Variants in TBC1D1 observed in about 807,000 individuals in gnomAD.
TBC1D1 encodes TBC1 (tre-2/USP6, BUB2, cdc16) domain family, member 1.
TBC1D1 carries 89 observed loss-of-function variants against 125.6 expected under a neutral mutation model. That is an observed-to-expected ratio of 0.71 (90% confidence interval 0.60 to 0.85). TBC1D1 has a LOEUF of 0.85. Ranked by LOEUF, TBC1D1 falls within the 40% of genes least tolerant of loss-of-function variation. The probability of loss-of-function intolerance (pLI) is 0.00; values close to 1 mark genes in which losing one functional copy is unlikely to be tolerated. For synonymous variants in TBC1D1, 565 were observed against 564.1 expected, an observed-to-expected ratio of 1.00 and a Z score of -0.02; for missense variants, 1,377 against 1,469.2, an observed-to-expected ratio of 0.94 and a Z score of 1.03.
chr4:38,011,859 TGACCCTGGGAATCCAGGG>T (rs1248510208), intron 2 of TBC1D1, among the ~76,000 whole-genome samples: 1 of 152,258 alleles, frequency 6.6e-6, no homozygotes, highest in Non-Finnish European at 1.5e-5. Context: ...CAGTTTCTTC[TGACCCTGGGAATCCAGGG>T]GACAGTTAAG....
chr4:38,072,736 T>A (rs1425753296), intron 12 of TBC1D1, among the ~76,000 whole-genome samples: 3 of 152,226 alleles, frequency 2.0e-5, no homozygotes, highest in Non-Finnish European at 4.4e-5. Context: ...TTTCATCTTG[T>A]TAAACTGAAA....
chr4:37,940,518 T>C (rs901310427), intron 2 of TBC1D1, among the ~76,000 whole-genome samples: 2 of 152,188 alleles, frequency 1.3e-5, no homozygotes, highest in South Asian at 4.1e-4. Context: ...CCTTTATTTC[T>C]TTCTCCTGCC....
chr4:38,021,377 T>C (rs1236067507), intron 5 of TBC1D1, among the ~76,000 whole-genome samples: 1 of 152,228 alleles, frequency 6.6e-6, no homozygotes, highest in African/African-American at 2.4e-5. Flanking sequence ...ATCATTTACC[T>C]TACCTGCTTT....
chr4:38,113,312 G>A (rs1180471977), intron 15 of TBC1D1, among the ~76,000 whole-genome samples: 1 of 152,236 alleles, frequency 6.6e-6, no homozygotes, highest in East Asian at 1.9e-4. Flanking sequence ...CTCTTGAGTG[G>A]CCAATTAGCA....
rs769983846 is a variant in TBC1D1 at position 38,118,053 on chromosome 4, G to C, written c.2823G>C (p.Ser941=). 16 of 1,614,128 alleles carry C rather than the reference G, an allele frequency of 9.9e-6. No homozygotes were observed. The South Asian group carries it at 1.8e-4, about 18-fold the overall frequency. The change falls in exon 17 of 20, where the codon TCG becomes TCC. Residue 941 remains serine, a synonymous_variant. Transcript: ENST00000261439. The stretch of plus-strand genomic sequence containing the variant: ...TGCAGATCCAGATGTACCAGCTCTC[G>C]AGGTTGCTTCATGATTACCACAGAG...
intron 2 of TBC1D1, chr4:37,961,011 A>C: frequency 6.2e-7 from 1 of 1,614,192 alleles, no homozygotes; most frequent in Non-Finnish European, 8.5e-7. Flanking sequence ...TGGATGTTGA[A>C]TTGCCAGCTG....
intron 1 of TBC1D1, among the ~76,000 whole-genome samples, chr4:37,896,020 T>C (rs1021729229): frequency 2.0e-5 from 3 of 152,170 alleles, no homozygotes; most frequent in African/African-American, 4.8e-5. Flanking sequence ...TATAATTCTG[T>C]TCAGGTGCAT....
intron 15 of TBC1D1, among the ~76,000 whole-genome samples, chr4:38,108,761 C>T (rs1761754344): frequency 1.3e-5 from 2 of 152,150 alleles, no homozygotes; most frequent in Non-Finnish European, 2.9e-5. Context: ...TTTTAGAATC[C>T]ATAAAAGGTA....
At chr4:37,964,775 C>G (rs1386380145) in intron 2 of TBC1D1, among the ~76,000 whole-genome samples, 1 of 152,226 alleles carries the variant, frequency 6.6e-6, no homozygotes, top group Non-Finnish European at 1.5e-5. Context: ...CTACCTCATT[C>G]GTTCATTTGT....
intron 18 of TBC1D1, among the ~76,000 whole-genome samples, chr4:38,126,574 A>G (rs1488500494): frequency 6.6e-6 from 1 of 152,248 alleles, no homozygotes; most frequent in Non-Finnish European, 1.5e-5. Context: ...ATATGCCCTT[A>G]TGAAAGAACA....
intron 18 of TBC1D1, among the ~76,000 whole-genome samples, chr4:38,130,744 G>T (rs952895167): frequency 6.6e-6 from 1 of 152,218 alleles, no homozygotes; most frequent in African/African-American, 2.4e-5. Context: ...GACCAGAAAT[G>T]AAAACACCTT....
At chr4:38,120,338 A>G (rs1763651329) in intron 17 of TBC1D1, among the ~76,000 whole-genome samples, 1 of 152,126 alleles carries the variant, frequency 6.6e-6, no homozygotes, top group Non-Finnish European at 1.5e-5. Context: ...TTTTTTTTCC[A>G]CAGTCCATCC....
chr4:38,089,285 C>T (rs1353427371), intron 12 of TBC1D1, among the ~76,000 whole-genome samples: 1 of 152,188 alleles, frequency 6.6e-6, no homozygotes, highest in Non-Finnish European at 1.5e-5. Context: ...ATATAAAATG[C>T]CCAGCGCAGT....
At chr4:37,956,119 C>G (rs1728890028) in intron 2 of TBC1D1, among the ~76,000 whole-genome samples, 1 of 151,898 alleles carries the variant, frequency 6.6e-6, no homozygotes, top group Non-Finnish European at 1.5e-5. Flanking sequence ...ATCTGCCTCC[C>G]AGGTTCAAGC....
intron 15 of TBC1D1, chr4:38,112,072 A>T: frequency 3.0e-6 from 3 of 985,478 alleles, no homozygotes; most frequent in Non-Finnish European, 3.6e-6. Flanking sequence ...AGTTTCTGAA[A>T]CTGCATCCTG....
intron 12 of TBC1D1, among the ~76,000 whole-genome samples, chr4:38,074,497 A>G (rs1050251285): frequency 1.3e-5 from 2 of 152,134 alleles, no homozygotes; most frequent in African/African-American, 4.8e-5. Flanking sequence ...TTTTAAGCTG[A>G]GTGTGCAGCA....
At chr4:38,087,845 C>CAAAAAAAAAAAAAAAA (rs1215951890) in intron 12 of TBC1D1, among the ~76,000 whole-genome samples, 1 of 67,878 alleles carries the variant, frequency 1.5e-5, no homozygotes, top group African/African-American at 5.2e-5. Flanking sequence ...GATTCCGTCT[C>CAAAAAAAAAAAAAAAA]AAAAAAAAAA....
chr4:37,983,587 G>A lies in TBC1D1; in HGVS notation c.418-30922G>A, dbSNP rs1179254839. Among the ~76,000 whole-genome samples the A allele has an allele frequency of 3.9e-5, 6 of 152,072 alleles. No homozygotes were observed. The East Asian group carries it at 1.2e-3, about 29-fold the overall frequency. ...GGAAGTTACAGAGATTTCCCATATA[G>A]CCCCTGTCCCCACTGAACTTCTCAA... On this transcript the variant is annotated intron_variant, in intron 2 of 19. Transcript: ENST00000261439.
chr4:38,092,825 G>A (rs1259863565), intron 13 of TBC1D1, among the ~76,000 whole-genome samples: 4 of 152,036 alleles, frequency 2.6e-5, no homozygotes, highest in Non-Finnish European at 5.9e-5. Flanking sequence ...TACAGCTTGG[G>A]ATGCAAGGCA....
Sources: gnomAD v4.1 joint callset for allele counts (sites outside exome capture counted in the v4.1 genomes callset) on GRCh38, gnomAD v4.1.1 for gene constraint, MANE v1.5 for transcripts, NCBI Gene and HGNC (gene_info 2026-07-23, HGNC 2026-07-21) for gene names.